The following LEPROTL1 variants were observed in gnomAD, a reference collection of about 807,000 sequenced individuals.
LEPROTL1 encodes the protein leptin receptor overlapping transcript like 1.
LEPROTL1 carries 6 observed loss-of-function variants against 15.4 expected under a neutral mutation model. The ratio of observed to expected loss-of-function variants is 0.39; its 90% CI spans 0.21 to 0.77. The LOEUF is 0.77. Ranked by LOEUF, LEPROTL1 falls within the 30% of genes least tolerant of loss-of-function variation. The pLI, the probability that LEPROTL1 is intolerant of heterozygous loss-of-function variation, is 0.41. For missense variants in LEPROTL1, 128 were observed against 158.1 expected, an observed-to-expected ratio of 0.81 and a Z score of 1.02; for synonymous variants, 56 against 52.6, an observed-to-expected ratio of 1.06 and a Z score of -0.28.
chr8:30,114,559 G>A (rs960112045), intron 3 of LEPROTL1, among the ~76,000 whole-genome samples: 1 of 152,132 alleles, frequency 6.6e-6, no homozygotes, highest in African/African-American at 2.4e-5. Flanking sequence ...CCAAAGTGTT[G>A]GGATTGCAGG....
exon 5 of LEPROTL1, chr8:30,137,391 A>C: frequency 1.3e-6 from 2 of 1,551,666 alleles, no homozygotes; most frequent in South Asian, 1.2e-5. Context: ...CTGCAAGCAG[A>C]GTGTCCACTC....
chr8:30,102,512 C>T (rs564305414), intron 2 of LEPROTL1, among the ~76,000 whole-genome samples: 95 of 151,746 alleles, frequency 6.3e-4, no homozygotes, highest in Non-Finnish European at 1.2e-3. Context: ...AATAGCCAGG[C>T]GTGGTGACAC....
chr8:30,117,657 A>T, intron 3 of LEPROTL1: 1 of 1,482,872 alleles, frequency 6.7e-7, no homozygotes. Flanking sequence ...CTTCATCATC[A>T]CAGTGAGAAA....
At chr8:30,116,801 T>C (rs1043237234) in intron 3 of LEPROTL1, among the ~76,000 whole-genome samples, 2 of 152,208 alleles carry the variant, frequency 1.3e-5, no homozygotes, top group Non-Finnish European at 2.9e-5. Flanking sequence ...GAACCTCTGA[T>C]TTGTAGCCAA....
chr8:30,126,213 C>T (rs1292550736), intron 3 of LEPROTL1, among the ~76,000 whole-genome samples: 5 of 152,062 alleles, frequency 3.3e-5, no homozygotes, highest in African/African-American at 9.7e-5. Flanking sequence ...AGTCAGAGAC[C>T]CCTAGATTAT....
intron 3 of LEPROTL1, among the ~76,000 whole-genome samples, chr8:30,121,414 G>C (rs1802828716): frequency 6.6e-6 from 1 of 151,886 alleles, no homozygotes; most frequent in Non-Finnish European, 1.5e-5. Context: ...CACCACGCCA[G>C]GCTAATTTTT....
rs762120775 is a variant in LEPROTL1, at chr8:30,095,467, T to TGCC, written c.-36_-34dup. The TGCC allele has an allele frequency of 8.9e-6, 13 of 1,463,946 alleles. No homozygotes were observed. Among genetic ancestry groups the TGCC allele is most frequent in the Admixed American group, 2.5e-5 (1 of 40,446 alleles). The allele number at this position is 1,463,946 out of a possible 1,614,324, so 90.7% of individuals were successfully genotyped here. ...TCTTGGGTCTCCCGGCTGCCGCTGCTGCCGCCGCCGCCTCGGGTCGTGGAG... is the reference window on the plus strand; with the variant it reads ...TCTTGGGTCTCCCGGCTGCCGCTGCTGCCGCCGCCGCCGCCTCGGGTCGTGGAG... On this transcript the variant is annotated 5_prime_UTR_variant, in exon 1 of 4. Transcript: ENST00000321250.
chr8:30,117,007 C>A (rs998109967), intron 3 of LEPROTL1, among the ~76,000 whole-genome samples: 6 of 152,218 alleles, frequency 3.9e-5, no homozygotes, highest in African/African-American at 1.2e-4. Flanking sequence ...AGAAAAAAAA[C>A]CATACATTTG....
chr8:30,110,655 AC>A (rs1303159327), downstream of LEPROTL1, among the ~76,000 whole-genome samples: 1 of 151,714 alleles, frequency 6.6e-6, no homozygotes, highest in East Asian at 1.9e-4. Flanking sequence ...AATCGCTTGA[AC>A]CCAGGAGGCA....
At chr8:30,098,941 G>A (rs1374646872) in intron 1 of LEPROTL1, among the ~76,000 whole-genome samples, 4 of 152,076 alleles carry the variant, frequency 2.6e-5, no homozygotes, top group Non-Finnish European at 4.4e-5. Flanking sequence ...CAGCATACAC[G>A]GGTCTCTGCC....
At chr8:30,101,670 C>CAA (rs11316779) in intron 1 of LEPROTL1, among the ~76,000 whole-genome samples, 605 of 52,558 alleles carry the variant, frequency 0.012, 4 homozygotes, top group Middle Eastern at 0.016. Flanking sequence ...CTCCATCTCA[C>CAA]AAAAAAAAAA....
At chr8:30,119,945 T>A (rs1261828880) in intron 3 of LEPROTL1, among the ~76,000 whole-genome samples, 5 of 152,106 alleles carry the variant, frequency 3.3e-5, no homozygotes, top group Admixed American at 3.3e-4. Context: ...GGCGTATGCT[T>A]GTAATCCCAG....
At chr8:30,121,711 G>A (rs993747494) in intron 3 of LEPROTL1, among the ~76,000 whole-genome samples, 27 of 152,296 alleles carry the variant, frequency 1.8e-4, no homozygotes, top group African/African-American at 6.3e-4. Flanking sequence ...ATGCAGGGAT[G>A]TGTGATTCTG....
chr8:30,136,519 C>T (rs1422512830), intron 4 of LEPROTL1, among the ~76,000 whole-genome samples: 1 of 152,130 alleles, frequency 6.6e-6, no homozygotes, highest in Non-Finnish European at 1.5e-5. Flanking sequence ...CTAGCAGAGC[C>T]CCCCATTCCA....
Position 30,108,014 on chromosome 8 carries a change from T to G in LEPROTL1, c.*2152T>G. ...ATGCACTGATACAATATTACCATTC[T>G]TCTATGGAAAGAAAACTTTTGATGA... On this transcript the variant is annotated 3_prime_UTR_variant, in exon 4 of 4. Coordinates refer to ENST00000321250, the MANE Select transcript of LEPROTL1 (RefSeq NM_015344.3). 1.1e-6 allele frequency: 1 copy of G among 951,018 alleles called. No individual in the cohort carries two copies. Among genetic ancestry groups the G allele is most frequent in the Non-Finnish European group, 1.3e-6 (1 of 798,608 alleles). The allele number at this position is 951,018 out of a possible 1,614,324, so 58.9% of individuals were successfully genotyped here. A position where few individuals can be genotyped will look rare whatever the true frequency, so the allele number is the denominator to read the frequency against.
rs1387966844 is a variant in LEPROTL1, at chr8:30,106,452, G to A, written c.*590G>A. The A allele has an allele frequency of 1.3e-5, 13 of 985,680 alleles. No individual in the cohort carries two copies. In the African/African-American group the frequency reaches 1.7e-4, roughly 13 times the overall value. The allele number at this position is 985,680 out of a possible 1,614,324, so 61.1% of individuals were successfully genotyped here. On this transcript the variant is annotated 3_prime_UTR_variant, in exon 4 of 4. Coordinates refer to ENST00000321250, the MANE Select transcript of LEPROTL1 (RefSeq NM_015344.3). ...CCAAGTGTTAATGCCCATGCCCTCC[G>A]TTAAGGGTTGTTGGTTTTACTGGTA... is the stretch of plus-strand genomic sequence containing the variant.
In LEPROTL1 at chr8:30,101,959, C is replaced by T; in HGVS notation, c.78C>T (p.Ala26=). 6.2e-7 allele frequency: 1 copy of T among 1,602,012 alleles called. No individual in the cohort carries two copies. Among genetic ancestry groups the T allele is most frequent in the Non-Finnish European group, 8.5e-7 (1 of 1,170,724 alleles). The change falls in exon 2 of 4, where the codon GCC becomes GCT. Residue 26 remains alanine (A), a synonymous_variant. Coordinates refer to ENST00000321250, the MANE Select transcript of LEPROTL1 (RefSeq NM_015344.3). The part of the protein sequence containing the change: ...IGLMFLMLGC[A]LPIYNKYWPL... ...TGATGTTTTTGATGCTTGGATGTGC[C>T]CTTCCAATATACAAGTATGTAAAAT...
At chr8:30,136,071 A>G (rs1441266955) in intron 4 of LEPROTL1, among the ~76,000 whole-genome samples, 1 of 152,162 alleles carries the variant, frequency 6.6e-6, no homozygotes, top group Non-Finnish European at 1.5e-5. Flanking sequence ...ACTGATTCTC[A>G]CTGAAAGCAA....
chr8:30,127,439 A>G (rs1345441772), intron 3 of LEPROTL1, among the ~76,000 whole-genome samples: 2 of 152,180 alleles, frequency 1.3e-5, no homozygotes, highest in Non-Finnish European at 2.9e-5. Context: ...ACTGAGCTCT[A>G]GTACTTGGTC....
Sources: gnomAD v4.1 joint callset for allele counts (sites outside exome capture counted in the v4.1 genomes callset) on GRCh38, gnomAD v4.1.1 for gene constraint, MANE v1.5 for transcripts, NCBI Gene and HGNC (gene_info 2026-07-23, HGNC 2026-07-21) for gene names.